Variants in DLG1 observed in about 807,000 individuals in gnomAD.
The protein encoded by DLG1 is disks large homolog 1.
In DLG1, 42 loss-of-function variants were observed where a neutral mutation model predicts 123.4. The ratio of observed to expected loss-of-function variants is 0.34; its 90% CI spans 0.27 to 0.44. DLG1 has a LOEUF of 0.44. DLG1 is among the 20% of genes least tolerant of loss of function. The probability of loss-of-function intolerance (pLI) is 1.00; values close to 1 mark genes in which losing one functional copy is unlikely to be tolerated. For missense variants in DLG1, 942 were observed against 1,082.6 expected (o/e 0.87, Z 1.82); for synonymous variants, 317 against 356.2 (o/e 0.89, Z 1.24).
chr3:197,161,450 C>A (rs1002558923), intron 5 of DLG1, among the ~76,000 whole-genome samples: 1 of 152,064 alleles, frequency 6.6e-6, no homozygotes, highest in Non-Finnish European at 1.5e-5. Flanking sequence ...CACAGACAAC[C>A]TAATAAAATG....
At chr3:197,195,865 C>A (rs1393042005) in intron 4 of DLG1, among the ~76,000 whole-genome samples, 1 of 151,740 alleles carries the variant, frequency 6.6e-6, no homozygotes, top group Non-Finnish European at 1.5e-5. Context: ...ATATGTACCC[C>A]CTGAACTTAA....
intron 19 of DLG1, among the ~76,000 whole-genome samples, chr3:197,067,583 G>A (rs750659819): frequency 7.5e-6 from 1 of 133,436 alleles, no homozygotes; most frequent in African/African-American, 2.9e-5. Flanking sequence ...TTGAGACGGA[G>A]TTTCGCTCTT....
intron 5 of DLG1, among the ~76,000 whole-genome samples, chr3:197,158,835 G>A (rs1252813928): frequency 4.6e-5 from 7 of 151,970 alleles, no homozygotes; most frequent in Admixed American, 3.9e-4. Flanking sequence ...AAAAGACCAT[G>A]CACAAAAAAT....
chr3:197,083,850 G>A (rs1227589254), intron 16 of DLG1, among the ~76,000 whole-genome samples: 5 of 151,760 alleles, frequency 3.3e-5, no homozygotes, highest in Non-Finnish European at 4.4e-5. Flanking sequence ...GCAGTGACAC[G>A]CGCCTGGAGT....
intron 11 of DLG1, among the ~76,000 whole-genome samples, chr3:197,120,305 G>T (rs1054332959): frequency 1.4e-5 from 2 of 147,974 alleles, no homozygotes; most frequent in Non-Finnish European, 1.5e-5. Context: ...AAAACCAAAC[G>T]TTGGTTCACT....
upstream of DLG1, chr3:197,298,849 G>C (rs1778657686): frequency 2.8e-6 from 1 of 360,622 alleles, no homozygotes; most frequent in African/African-American, 2.1e-5. Flanking sequence ...AACTTGGCAA[G>C]AGTTTGAGGG....
intron 4 of DLG1, among the ~76,000 whole-genome samples, chr3:197,280,082 T>G (rs578119001): frequency 1.3e-5 from 2 of 152,300 alleles, no homozygotes; most frequent in South Asian, 2.1e-4. Flanking sequence ...AACAGTAGAA[T>G]GTATTCCTTC....
chr3:197,232,673 A>C (rs1452899965), intron 4 of DLG1, among the ~76,000 whole-genome samples: 1 of 151,952 alleles, frequency 6.6e-6, no homozygotes, highest in Non-Finnish European at 1.5e-5. Flanking sequence ...ATGGTATTAA[A>C]TTATCTGCCG....
intron 14 of DLG1, 92 bp from the exon 15 acceptor site, chr3:197,091,118 T>A: frequency 1.2e-6 from 1 of 804,658 alleles, no homozygotes; most frequent in Non-Finnish European, 2.0e-6. Context: ...GTCCTATAAT[T>A]GATTAAATGT....
chr3:197,264,529 T>C (rs1405593150), intron 4 of DLG1, among the ~76,000 whole-genome samples: 1 of 152,128 alleles, frequency 6.6e-6, no homozygotes, highest in Non-Finnish European at 1.5e-5. Flanking sequence ...GTTCAAGCGA[T>C]GATTCTCCTG....
At chr3:197,052,257 C>T (rs1182069326) in intron 23 of DLG1, among the ~76,000 whole-genome samples, 3 of 152,040 alleles carry the variant, frequency 2.0e-5, no homozygotes, top group Non-Finnish European at 4.4e-5. Flanking sequence ...GAGTTCAGGG[C>T]CAGCCTGGCC....
chr3:197,123,864 A>G (rs1053028425), intron 11 of DLG1, among the ~76,000 whole-genome samples: 1 of 152,236 alleles, frequency 6.6e-6, no homozygotes, highest in African/African-American at 2.4e-5. Flanking sequence ...ATACAATGGA[A>G]TAATACATAG....
intron 4 of DLG1, among the ~76,000 whole-genome samples, chr3:197,197,079 C>T (rs1722924705): frequency 6.6e-6 from 1 of 152,080 alleles, no homozygotes. Context: ...CCTCTTGATC[C>T]TTTTTTATTC....
intron 14 of DLG1, among the ~76,000 whole-genome samples, chr3:197,097,833 G>A (rs539785057): frequency 6.6e-6 from 1 of 150,932 alleles, no homozygotes; most frequent in South Asian, 2.1e-4. Flanking sequence ...GCCCACCTCA[G>A]CCTCCCAAAG....
chr3:197,206,210 G>T (rs1728436834), intron 4 of DLG1, among the ~76,000 whole-genome samples: 1 of 152,076 alleles, frequency 6.6e-6, no homozygotes. Context: ...GACGTAAAGG[G>T]TCAAATGATT....
At chr3:197,184,029 T>C in intron 5 of DLG1, 1 of 1,306,256 alleles carries the variant, frequency 7.7e-7, no homozygotes, top group Admixed American at 3.7e-5. Flanking sequence ...TGGCTGAGTT[T>C]ATTTTTGCAG....
intron 5 of DLG1, among the ~76,000 whole-genome samples, chr3:197,164,957 G>C (rs1021210457): frequency 7.8e-4 from 119 of 151,602 alleles, no homozygotes; most frequent in African/African-American, 2.9e-3. Context: ...AAAATTATAT[G>C]AGATTATCAT....
intron 12 of DLG1, among the ~76,000 whole-genome samples, chr3:197,116,427 T>A (rs1442281881): frequency 3.3e-5 from 5 of 152,288 alleles, no homozygotes; most frequent in African/African-American, 9.6e-5. Context: ...TTCAAAGCAA[T>A]CACTGCCCCT....
intron 5 of DLG1, among the ~76,000 whole-genome samples, chr3:197,171,702 A>T (rs1804284073): frequency 1.3e-5 from 2 of 152,168 alleles, no homozygotes; most frequent in Admixed American, 1.3e-4. Flanking sequence ...CAGCATTCAG[A>T]TGACAATCTT....
Sources: gnomAD v4.1 joint callset for allele counts (sites outside exome capture counted in the v4.1 genomes callset) on GRCh38, gnomAD v4.1.1 for gene constraint, MANE v1.5 for transcripts, NCBI Gene and HGNC (gene_info 2026-07-23, HGNC 2026-07-21) for gene names.